Variants in FBXL7 observed in about 807,000 individuals in gnomAD.
FBXL7 encodes the protein F-box/LRR-repeat protein 7.
Under a neutral mutation model 38.3 loss-of-function variants are expected in FBXL7, and 12 were observed. The ratio of observed to expected loss-of-function variants is 0.31; its 90% CI spans 0.20 to 0.51. The LOEUF (loss-of-function observed/expected upper bound fraction) is 0.51, where lower values mean the gene tolerates loss of function less well. Ranked by LOEUF, FBXL7 falls within the 20% of genes least tolerant of loss-of-function variation. FBXL7 has a pLI of 0.98. For missense variants in FBXL7, 567 were observed against 676.4 expected, an observed-to-expected ratio of 0.84 and a Z score of 1.79; for synonymous variants, 297 against 300.9, an observed-to-expected ratio of 0.99 and a Z score of 0.13.
At chr5:15,524,940 C>G (rs1382855785) in intron 1 of FBXL7, among the ~76,000 whole-genome samples, 1 of 152,212 alleles carries the variant, frequency 6.6e-6, no homozygotes, top group South Asian at 2.1e-4. Context: ...TGCACCTGTT[C>G]CCATTCATCA....
intron 1 of FBXL7, chr5:15,580,696 A>T: frequency 1.0e-6 from 1 of 985,316 alleles, no homozygotes; most frequent in Non-Finnish European, 1.2e-6. Flanking sequence ...GGAGTGCTGA[A>T]GGTGCCAGAA....
At chr5:15,690,683 C>A (rs1743153957) in intron 2 of FBXL7, among the ~76,000 whole-genome samples, 1 of 152,094 alleles carries the variant, frequency 6.6e-6, no homozygotes, top group African/African-American at 2.4e-5. Context: ...GTGAAATAAG[C>A]CAAACAGAAA....
At chr5:15,722,023 C>T (rs573298681) in intron 2 of FBXL7, among the ~76,000 whole-genome samples, 25 of 152,136 alleles carry the variant, frequency 1.6e-4, no homozygotes, top group African/African-American at 5.5e-4. Flanking sequence ...GTAGTAGAGA[C>T]GGGGTTTCAT....
rs1742254771 is a variant in FBXL7, at chr5:15,938,233, C to T, written c.*1047C>T. The T allele has an allele frequency of 6.6e-6, 1 of 152,176 alleles. No individual in the cohort carries two copies. The allele number at this position is 152,176 out of a possible 1,614,324, so 9.4% of individuals were successfully genotyped here. On this transcript the variant is annotated 3_prime_UTR_variant, in exon 4 of 4. Coordinates refer to ENST00000504595, the MANE Select transcript of FBXL7 (RefSeq NM_012304.5). The stretch of plus-strand genomic sequence containing the variant: ...CAGCACACCTAATCACAGCAAAGCC[C>T]AGATCCCCCCATCAGTTGCTTTTAC...
At chr5:15,843,173 C>A (rs897868912) in intron 2 of FBXL7, among the ~76,000 whole-genome samples, 1 of 152,102 alleles carries the variant, frequency 6.6e-6, no homozygotes, top group Non-Finnish European at 1.5e-5. Flanking sequence ...TTTGTATATG[C>A]TAATATAAAA....
rs1554001606 is a variant in FBXL7, at chr5:15,500,606, GGGCCGAGCGC to G, written c.-69_-60del. ...CGGTCCCGTCGGGCGGGCTTTCCTC[GGGCCGAGCGC>G]GCAGGACGTGCGCCGCAGCTATGGA... On this transcript the variant is annotated 5_prime_UTR_variant, in exon 1 of 4. Transcript: ENST00000504595. 1 of 1,607,910 alleles carries G rather than the reference GGGCCGAGCGC, an allele frequency of 6.2e-7. No homozygotes were observed. The highest frequency in any genetic ancestry group is 1.1e-5 in the South Asian group (1 of 90,970).
chr5:15,531,887 T>A (rs967946962), intron 1 of FBXL7, among the ~76,000 whole-genome samples: 3 of 152,194 alleles, frequency 2.0e-5, no homozygotes, highest in Non-Finnish European at 4.4e-5. Flanking sequence ...TCCTCTGCAG[T>A]GTGGGTTTAT....
At chr5:15,678,477 T>G (rs1279025885) in intron 2 of FBXL7, among the ~76,000 whole-genome samples, 1 of 152,198 alleles carries the variant, frequency 6.6e-6, no homozygotes, top group Non-Finnish European at 1.5e-5. Flanking sequence ...GTATGTGGGT[T>G]AGCAATAGAA....
intron 2 of FBXL7, among the ~76,000 whole-genome samples, chr5:15,739,814 A>G (rs538416650): frequency 1.3e-5 from 2 of 152,276 alleles, no homozygotes; most frequent in South Asian, 4.1e-4. Flanking sequence ...TTTTGGCTTT[A>G]ATGAGTATTA....
At chr5:15,580,301 GT>G (rs1457374009) in intron 1 of FBXL7, among the ~76,000 whole-genome samples, 3 of 152,198 alleles carry the variant, frequency 2.0e-5, no homozygotes, top group African/African-American at 7.2e-5. Flanking sequence ...AGAAATAAAT[GT>G]TTGTTGTTTA....
chr5:15,827,695 A>G (rs1040897782), intron 2 of FBXL7, among the ~76,000 whole-genome samples: 2 of 152,086 alleles, frequency 1.3e-5, no homozygotes, highest in Non-Finnish European at 2.9e-5. Context: ...CCCAATCACC[A>G]CTCAAAGGTC....
intron 2 of FBXL7, among the ~76,000 whole-genome samples, chr5:15,701,699 A>G (rs1023439227): frequency 2.0e-5 from 3 of 152,252 alleles, no homozygotes; most frequent in African/African-American, 7.2e-5. Context: ...CAATAAAAAA[A>G]TGCATGAAGA....
At chr5:15,576,777 T>G (rs1738981824) in intron 1 of FBXL7, among the ~76,000 whole-genome samples, 1 of 152,138 alleles carries the variant, frequency 6.6e-6, no homozygotes, top group Non-Finnish European at 1.5e-5. Flanking sequence ...GGTCATTAGC[T>G]TGAATGATCA....
chr5:15,914,786 A>G (rs1172769446), intron 2 of FBXL7, among the ~76,000 whole-genome samples: 1 of 152,186 alleles, frequency 6.6e-6, no homozygotes, highest in African/African-American at 2.4e-5. Flanking sequence ...CCCTTGGTGC[A>G]TTAGTTGAGC....
chr5:15,503,082 C>A (rs1159304125), intron 1 of FBXL7, among the ~76,000 whole-genome samples: 6 of 152,132 alleles, frequency 3.9e-5, no homozygotes, highest in Non-Finnish European at 7.3e-5. Flanking sequence ...TGCAACCTAA[C>A]TTAATAGCTA....
rs147591368 is a variant in FBXL7, at chr5:15,680,204, C to T, written c.127+64132C>T. On this transcript the variant is annotated intron_variant, in intron 2 of 3. Coordinates refer to ENST00000504595, the MANE Select transcript of FBXL7 (RefSeq NM_012304.5). ...TGAAAAAGGCAGCTCTTCCCAAAGA[C>T]ATTTTATTTTCAATTTTCAGAAAAT... 2.0e-4 allele frequency among the ~76,000 whole-genome samples: 31 copies of T among 152,278 alleles called. No individual in the cohort carries two copies. The East Asian group carries it at 5.6e-3, about 27-fold the overall frequency.
chr5:15,684,239 C>T lies in FBXL7; in HGVS notation c.127+68167C>T, dbSNP rs774077487. ...AACAAGCCTACGCACCTGCTCTCAACGAACTTAGGAATGATCTGGTAAAGG... is the reference window on the plus strand; with the variant it reads ...AACAAGCCTACGCACCTGCTCTCAATGAACTTAGGAATGATCTGGTAAAGG... On this transcript the variant is annotated intron_variant, in intron 2 of 3. Transcript: ENST00000504595. 2.6e-4 allele frequency among the ~76,000 whole-genome samples: 39 copies of T among 152,052 alleles called. 1 individual carries two copies. The highest frequency in any genetic ancestry group is 9.8e-4 in the Admixed American group (15 of 15,262).
chr5:15,854,280 A>G (rs1049957772), intron 2 of FBXL7, among the ~76,000 whole-genome samples: 4 of 152,210 alleles, frequency 2.6e-5, no homozygotes, highest in African/African-American at 7.2e-5. Context: ...ATAAGTGTGT[A>G]CATACGGTAA....
chr5:15,717,082 T>G, intron 2 of FBXL7, among the ~76,000 whole-genome samples: 1 of 152,216 alleles, frequency 6.6e-6, no homozygotes, highest in Non-Finnish European at 1.5e-5. Flanking sequence ...CCATTCCATA[T>G]GATTAAAGAT....
Sources: allele counts gnomAD v4.1 joint callset (sites outside exome capture counted in the v4.1 genomes callset), GRCh38; gene constraint gnomAD v4.1.1; transcripts MANE v1.5; gene names NCBI Gene and HGNC (gene_info 2026-07-23, HGNC 2026-07-21).